Variants in FCHSD2 observed in about 807,000 individuals in gnomAD.
FCHSD2 encodes the protein FCH and double SH3 domains 2.
FCHSD2 carries 38 observed loss-of-function variants against 108.1 expected under a neutral mutation model. That is an observed-to-expected ratio of 0.35 (90% confidence interval 0.27 to 0.46). The LOEUF (loss-of-function observed/expected upper bound fraction) is 0.46, where lower values mean the gene tolerates loss of function less well. Among genes scored for constraint, FCHSD2 ranks in the 20% least tolerant of loss-of-function variants. The pLI, the probability that FCHSD2 is intolerant of heterozygous loss-of-function variation, is 1.00. For synonymous variants in FCHSD2, 279 were observed against 314.7 expected (o/e 0.89, Z 1.20); for missense variants, 751 against 897.8 (o/e 0.84, Z 2.09).
chr11:73,019,576 G>A (rs995420570), intron 3 of FCHSD2, among the ~76,000 whole-genome samples: 69 of 152,274 alleles, frequency 4.5e-4, no homozygotes, highest in African/African-American at 1.7e-3. Context: ...GAGATGAGAT[G>A]AGGGATTCAT....
intron 12 of FCHSD2, among the ~76,000 whole-genome samples, chr11:72,884,170 G>A (rs931178312): frequency 2.0e-5 from 3 of 151,906 alleles, no homozygotes; most frequent in Admixed American, 6.6e-5. Flanking sequence ...CATCATCTAC[G>A]AACTATTTCT....
chr11:73,094,907 T>C (rs1312306678), intron 2 of FCHSD2, among the ~76,000 whole-genome samples: 2 of 152,196 alleles, frequency 1.3e-5, no homozygotes, highest in African/African-American at 4.8e-5. Flanking sequence ...TGAAGCTATG[T>C]TGTAAGTCTG....
At chr11:72,946,554 A>T (rs1330704771) in intron 8 of FCHSD2, among the ~76,000 whole-genome samples, 1 of 152,206 alleles carries the variant, frequency 6.6e-6, no homozygotes, top group East Asian at 1.9e-4. Context: ...ATTTAAAAAA[A>T]ACTAGACAAT....
chr11:72,873,781 G>A (rs1040218309), intron 12 of FCHSD2, among the ~76,000 whole-genome samples: 2 of 152,156 alleles, frequency 1.3e-5, no homozygotes, highest in African/African-American at 4.8e-5. Flanking sequence ...TAATTAACTG[G>A]AAGGTCATTA....
intron 8 of FCHSD2, among the ~76,000 whole-genome samples, chr11:72,922,524 C>A (rs1415395343): frequency 2.0e-5 from 3 of 151,570 alleles, no homozygotes; most frequent in Non-Finnish European, 2.9e-5. Context: ...CATTTTGTAA[C>A]AGGGATCTTT....
intron 2 of FCHSD2, among the ~76,000 whole-genome samples, chr11:73,137,909 T>C (rs1861161095): frequency 6.6e-6 from 1 of 152,210 alleles, no homozygotes; most frequent in African/African-American, 2.4e-5. Flanking sequence ...TATGACAAAG[T>C]GTTTGACCTT....
Position 73,051,866 on chromosome 11 carries a change from TAAACACACAC to T in FCHSD2, c.165+31819_165+31828del, listed in dbSNP as rs770348512. Among the ~76,000 whole-genome samples the T allele has an allele frequency of 4.8e-3, 496 of 102,936 alleles. 2 individuals carry two copies. Among genetic ancestry groups the T allele is most frequent in the Non-Finnish European group, 7.4e-3 (380 of 51,564 alleles). 67.5% of individuals were successfully genotyped at this position (102,936 alleles called of 152,430 possible). A position where few individuals can be genotyped will look rare whatever the true frequency, so the allele number is the denominator to read the frequency against. On this transcript the variant is annotated intron_variant, in intron 3 of 19. Coordinates refer to ENST00000409418, the MANE Select transcript of FCHSD2 (RefSeq NM_014824.3). ...ACCTTCAGGATGCTAACACGGTATATAAACACACACACACACACACACACACACACACACA... is the reference window on the plus strand; with the variant it reads ...ACCTTCAGGATGCTAACACGGTATATACACACACACACACACACACACACA...
At chr11:72,844,608 A>T (rs573144638) in intron 14 of FCHSD2, among the ~76,000 whole-genome samples, 1 of 152,236 alleles carries the variant, frequency 6.6e-6, no homozygotes, top group African/African-American at 2.4e-5. Flanking sequence ...GCTTCCTAAC[A>T]GTCTTGCCTG....
In FCHSD2 at chr11:72,951,959, A is replaced by G. The variant is rs532565385; in HGVS notation, c.706-30009T>C. Among the ~76,000 whole-genome samples the G allele has an allele frequency of 5.9e-5, 9 of 152,358 alleles. No individual in the cohort carries two copies. In the South Asian group the frequency reaches 1.0e-3, roughly 18 times the overall value. On this transcript the variant is annotated intron_variant, in intron 8 of 19. Coordinates refer to ENST00000409418, the MANE Select transcript of FCHSD2 (RefSeq NM_014824.3). ...CTATACTCTTTCTTTCACTTACAAGATAACTTTCAGAATCTACATATTGTT... is the reference window on the plus strand; with the variant it reads ...CTATACTCTTTCTTTCACTTACAAGGTAACTTTCAGAATCTACATATTGTT...
chr11:73,088,613 A>T (rs555860059), intron 2 of FCHSD2, among the ~76,000 whole-genome samples: 3 of 152,044 alleles, frequency 2.0e-5, no homozygotes, highest in Admixed American at 6.6e-5. Flanking sequence ...AGTCCTTTTT[A>T]AAAAAAATGC....
chr11:72,841,718 G>A, intron 17 of FCHSD2, 135 bp from the exon 18 acceptor site: 1 of 890,956 alleles, frequency 1.1e-6, no homozygotes, highest in Non-Finnish European at 1.6e-6. Context: ...CCTCATTAGA[G>A]GCAACTGAGC....
At chr11:73,075,783 G>C (rs1859536551) in intron 3 of FCHSD2, among the ~76,000 whole-genome samples, 1 of 150,624 alleles carries the variant, frequency 6.6e-6, no homozygotes, top group Non-Finnish European at 1.5e-5. Flanking sequence ...CCACTGACAA[G>C]ACTGTCTCAA....
chr11:72,878,582 C>T (rs577278520), intron 12 of FCHSD2, among the ~76,000 whole-genome samples: 17 of 152,164 alleles, frequency 1.1e-4, no homozygotes, highest in South Asian at 4.1e-4. Context: ...CAAGGACTAA[C>T]GGGGGTAATG....
chr11:73,003,145 T>C (rs1362163447), intron 4 of FCHSD2, among the ~76,000 whole-genome samples: 1 of 152,208 alleles, frequency 6.6e-6, no homozygotes, highest in Non-Finnish European at 1.5e-5. Flanking sequence ...TGATATACCA[T>C]GAAAAGCACA....
At chr11:73,104,715 C>A (rs578135426) in intron 2 of FCHSD2, among the ~76,000 whole-genome samples, 167 of 152,128 alleles carry the variant, frequency 1.1e-3, no homozygotes, top group Non-Finnish European at 2.1e-3. Flanking sequence ...ACCACAGGCA[C>A]GTGCCACCGC....
At chr11:73,049,516 A>T (rs972785276) in intron 3 of FCHSD2, among the ~76,000 whole-genome samples, 4 of 131,166 alleles carry the variant, frequency 3.0e-5, no homozygotes, top group African/African-American at 1.1e-4. Context: ...TGTTTTTATC[A>T]CACTCTGGGG....
At chr11:72,891,839 G>A (rs186542221) in intron 10 of FCHSD2, among the ~76,000 whole-genome samples, 285 of 152,212 alleles carry the variant, frequency 1.9e-3, no homozygotes, top group Middle Eastern at 3.4e-3. Context: ...TTATAATGAG[G>A]TCATATTTTA....
chr11:72,964,789 C>CTTT lies in FCHSD2; in HGVS notation c.705+19296_705+19298dup, dbSNP rs35280672. 1.3e-3 allele frequency among the ~76,000 whole-genome samples: 175 copies of CTTT among 132,196 alleles called. 1 individual carries two copies. Among genetic ancestry groups the CTTT allele is most frequent in the Admixed American group, 0.011 (140 of 12,574 alleles). 86.7% of individuals were successfully genotyped at this position (132,196 alleles called of 152,430 possible). On this transcript the variant is annotated intron_variant, in intron 8 of 19. Transcript: ENST00000409418. ...CAAACATGTAAATTTGATCATTTCACTTTTTTTTTTTTTTTTTTGAGATGG... is the reference window on the plus strand; with the variant it reads ...CAAACATGTAAATTTGATCATTTCACTTTTTTTTTTTTTTTTTTTTTGAGATGG...
At chr11:72,907,281 A>C (rs915645211) in intron 9 of FCHSD2, among the ~76,000 whole-genome samples, 13 of 152,218 alleles carry the variant, frequency 8.5e-5, no homozygotes, top group African/African-American at 2.4e-4. Flanking sequence ...ATCTGCAAAA[A>C]GACACAATTT....
Sources: gnomAD v4.1 joint callset for allele counts (sites outside exome capture counted in the v4.1 genomes callset) on GRCh38, gnomAD v4.1.1 for gene constraint, MANE v1.5 for transcripts, NCBI Gene and HGNC (gene_info 2026-07-23, HGNC 2026-07-21) for gene names.